Variants in GNL3L observed in about 807,000 individuals in gnomAD.
GNL3L encodes G protein nucleolar 3 like.
A neutral mutation model predicts 42.9 loss-of-function variants in GNL3L; 4 were observed. The ratio of observed to expected loss-of-function variants is 0.09; its 90% CI spans 0.05 to 0.21. The LOEUF is 0.21. Among genes scored for constraint, GNL3L ranks in the 10% least tolerant of loss-of-function variants. The pLI, the probability that GNL3L is intolerant of heterozygous loss-of-function variation, is 1.00. For missense variants in GNL3L, 412 were observed against 481.7 expected, an observed-to-expected ratio of 0.86 and a Z score of 1.36; for synonymous variants, 159 against 176.3, an observed-to-expected ratio of 0.90 and a Z score of 0.78.
downstream of GNL3L, among the ~76,000 whole-genome samples, chrX:54,622,339 C>T (rs772817581): frequency 4.2e-3 from 363 of 86,229 alleles, 3 homozygotes; most frequent in African/African-American, 0.016. Context: ...GGCTGGAGGG[C>T]ACTGGCATGA....
At chrX:54,581,895 A>G (rs1341617277) in intron 16 of GNL3L, among the ~76,000 whole-genome samples, 1 of 111,969 alleles carries the variant, frequency 8.9e-6, no homozygotes, top group African/African-American at 3.3e-5. Flanking sequence ...AGATTTTGGT[A>G]TGAACATGTT....
At chrX:54,607,123 T>C (rs1569542636) in intron 16 of GNL3L, among the ~76,000 whole-genome samples, 3 of 87,197 alleles carry the variant, frequency 3.4e-5, no homozygotes, top group African/African-American at 1.5e-4. Flanking sequence ...CTTTCTTTCT[T>C]TCTTTCTTTC....
At chrX:54,579,990 T>G (rs866911698) in intron 16 of GNL3L, among the ~76,000 whole-genome samples, 21 of 93,767 alleles carry the variant, frequency 2.2e-4, no homozygotes, top group South Asian at 5.2e-4. Flanking sequence ...AAGTTTGTTT[T>G]TTTTTTTTTT....
the GNL3L span, among the ~76,000 whole-genome samples, chrX:54,640,553 T>A: frequency 8.9e-6 from 1 of 112,387 alleles, no homozygotes; most frequent in African/African-American, 3.2e-5. Context: ...AACCCTTCTC[T>A]TGTTGGATAT....
chrX:54,573,513 GGGGAGA>G lies in GNL3L; in HGVS notation c.*45+12886_*45+12891del, dbSNP rs1169065436. ...GAGACCATGGGGAGAGGGAGACCATGGGGAGAGGGAGAGGGAGAGGGAGAGCTCTTT... is the reference window on the plus strand; with the variant it reads ...GAGACCATGGGGAGAGGGAGACCATGGGGAGAGGGAGAGGGAGAGCTCTTT... On this transcript the variant is annotated intron_variant, in intron 16 of 16. Transcript: ENST00000674498. 3.9e-3 allele frequency among the ~76,000 whole-genome samples: 406 copies of G among 105,248 alleles called. 1 individual carries two copies. The highest frequency in any genetic ancestry group is 5.5e-3 in the Non-Finnish European group (291 of 52,897). The allele number at this position is 105,248 out of a possible 115,157, so 91.4% of individuals were successfully genotyped here.
At chrX:54,629,994 G>GTTTCCAGGTAT in the GNL3L span, among the ~76,000 whole-genome samples, 5 of 111,396 alleles carry the variant, frequency 4.5e-5, no homozygotes, top group Non-Finnish European at 7.5e-5. Context: ...AGGGTTGTAT[G>GTTTCCAGGTAT]TTTCCAGGTA....
downstream of GNL3L, among the ~76,000 whole-genome samples, chrX:54,568,771 T>C (rs1925502214): frequency 8.9e-6 from 1 of 111,909 alleles, no homozygotes; most frequent in Admixed American, 9.5e-5. Flanking sequence ...GCCAGGCTGG[T>C]CTTGAACTCC....
intron 16 of GNL3L, among the ~76,000 whole-genome samples, chrX:54,572,678 G>C (rs1454346431): frequency 3.7e-5 from 4 of 108,987 alleles, no homozygotes; most frequent in African/African-American, 6.7e-5. Flanking sequence ...TGGCCTGGCG[G>C]GGGGCTGACC....
At chrX:54,572,725 C>G (rs903537440) in intron 16 of GNL3L, among the ~76,000 whole-genome samples, 2 of 109,993 alleles carry the variant, frequency 1.8e-5, no homozygotes, top group Admixed American at 9.5e-5. Flanking sequence ...AGCTGCCGGG[C>G]GGAGATGCTC....
intron 12 of GNL3L, 63 bp downstream of exon 12, chrX:54,552,037 A>T: frequency 8.8e-7 from 1 of 1,130,370 alleles, no homozygotes; most frequent in Non-Finnish European, 1.2e-6. Context: ...AAAGGGGCTC[A>T]TCTGTGCTCA....
At chrX:54,570,718 ATTATC>A (rs761720719), downstream of GNL3L, among the ~76,000 whole-genome samples, 11 of 106,939 alleles carry the variant, frequency 1.0e-4, no homozygotes, top group African/African-American at 3.8e-4. Flanking sequence ...TCATTGTTTT[ATTATC>A]TTAGTAGTTG....
chrX:54,632,847 T>C, the GNL3L span, among the ~76,000 whole-genome samples: 25 of 111,720 alleles, frequency 2.2e-4, no homozygotes, highest in Non-Finnish European at 7.5e-5. Flanking sequence ...CCTTGTTTTG[T>C]CATATTACCA....
At chrX:54,579,142 A>G (rs958792715) in intron 16 of GNL3L, among the ~76,000 whole-genome samples, 1 of 111,740 alleles carries the variant, frequency 8.9e-6, no homozygotes, top group Non-Finnish European at 1.9e-5. Context: ...TGTGATTTGC[A>G]TATATATTCT....
At chrX:54,635,279 T>C in the GNL3L span, among the ~76,000 whole-genome samples, 1 of 111,937 alleles carries the variant, frequency 8.9e-6, no homozygotes, top group African/African-American at 3.2e-5. Context: ...TAAATTGATA[T>C]TCTAATTTTG....
In GNL3L at chrX:54,558,535, G is replaced by A; in HGVS notation, c.1546G>A (p.Asp516Asn). The A allele has an allele frequency of 1.7e-6, 2 of 1,208,080 alleles. No individual in the cohort carries two copies. The highest frequency in any genetic ancestry group is 2.2e-6 in the Non-Finnish European group (2 of 892,283). ...DHRPKSNSMV[D>N]VCSVDRRSVL... Reference sequence around the variant, plus strand: ...CCGCCCTAAGAGCAACAGTATGGTGGATGTCTGCTCAGTGGACCGCCGCTC... The same window carrying A: ...CCGCCCTAAGAGCAACAGTATGGTGAATGTCTGCTCAGTGGACCGCCGCTC... Residue 516 changes from aspartate (D) to asparagine (N), a missense_variant, in exon 15 of 16, where the codon GAT (aspartate) becomes AAT (asparagine). By Grantham distance (23) the Asp-to-Asn change is conservative. Coordinates refer to ENST00000360845, the MANE Select transcript of GNL3L (RefSeq NM_001184819.2).
At chrX:54,534,120 A>G (rs990944255) in intron 2 of GNL3L, among the ~76,000 whole-genome samples, 4 of 106,914 alleles carry the variant, frequency 3.7e-5, no homozygotes, top group Admixed American at 3.0e-4. Context: ...AGCTCAAACA[A>G]TCCTCCCATC....
the GNL3L span, among the ~76,000 whole-genome samples, chrX:54,629,367 T>C: frequency 9.0e-6 from 1 of 111,640 alleles, no homozygotes; most frequent in Non-Finnish European, 1.9e-5. Context: ...TGCTTTCAAC[T>C]TTTCCCCATT....
At chrX:54,537,161 A>G (rs1362077783) in intron 2 of GNL3L, among the ~76,000 whole-genome samples, 1 of 108,852 alleles carries the variant, frequency 9.2e-6, no homozygotes, top group Non-Finnish European at 1.9e-5. Context: ...AGCTAGGACT[A>G]CAGGTGCATG....
intron 16 of GNL3L, among the ~76,000 whole-genome samples, chrX:54,615,519 A>G (rs775654440): frequency 1.8e-5 from 2 of 111,947 alleles, no homozygotes; most frequent in East Asian, 5.6e-4. Context: ...CCTTATATGT[A>G]TACTTTACAA....
Sources: allele counts gnomAD v4.1 joint callset (sites outside exome capture counted in the v4.1 genomes callset), GRCh38; gene constraint gnomAD v4.1.1; transcripts MANE v1.5; gene names NCBI Gene and HGNC (gene_info 2026-07-23, HGNC 2026-07-21).